The following MAD1L1 variants were observed in gnomAD, a reference collection of about 807,000 sequenced individuals.
MAD1L1 encodes mitotic spindle assembly checkpoint protein MAD1.
In MAD1L1, 95 loss-of-function variants were observed where a neutral mutation model predicts 96.9. The ratio of observed to expected loss-of-function variants is 0.98; its 90% CI spans 0.83 to 1.16. The LOEUF (loss-of-function observed/expected upper bound fraction) is 1.16. MAD1L1 is among the 50% of genes most tolerant of loss of function. The pLI is 0.00. For synonymous variants in MAD1L1, 473 were observed against 396.6 expected (o/e 1.19, Z -2.29); for missense variants, 1,007 against 954.4 (o/e 1.06, Z -0.73).
intron 12 of MAD1L1, among the ~76,000 whole-genome samples, chr7:2,059,827 A>G (rs1413949021): frequency 1.3e-5 from 2 of 152,134 alleles, no homozygotes; most frequent in Non-Finnish European, 2.9e-5. Flanking sequence ...GCAGGACCCA[A>G]TGGTACATCC....
rs761507861 is a variant in MAD1L1, at chr7:2,215,981, G to A, written c.828C>T (p.Asn276=). Reference sequence around the variant, plus strand: ...CTTCCAGCTCTTCCTGGAGCAGCCCGTTGGTCTCTCTCATCTCCCTGGCAG... The same window carrying A: ...CTTCCAGCTCTTCCTGGAGCAGCCCATTGGTCTCTCTCATCTCCCTGGCAG... ...SAHLREMRET[N]GLLQEELEGL... is the part of the protein sequence containing the mutation. Residue 276 remains asparagine (N), a synonymous_variant, in exon 9 of 19, where the codon AAC becomes AAT. Transcript: ENST00000265854. 9.9e-6 allele frequency: 16 copies of A among 1,614,000 alleles called. No homozygotes were observed. The South Asian group carries it at 1.1e-4, about 11-fold the overall frequency.
intron 17 of MAD1L1, among the ~76,000 whole-genome samples, chr7:1,900,065 A>G (rs1583704451): frequency 6.6e-6 from 1 of 152,306 alleles, no homozygotes; most frequent in East Asian, 1.9e-4. Context: ...GCCGGAGGCC[A>G]CCGCCGAGAG....
intron 12 of MAD1L1, among the ~76,000 whole-genome samples, chr7:2,052,416 C>A (rs971117371): frequency 1.3e-5 from 2 of 150,188 alleles, no homozygotes; most frequent in African/African-American, 5.0e-5. Flanking sequence ...GGGCGCCGGA[C>A]AGCTCACTAG....
chr7:2,093,292 A>G (rs73034415), intron 11 of MAD1L1, among the ~76,000 whole-genome samples: 4,058 of 152,030 alleles, frequency 0.027, 97 homozygotes, highest in South Asian at 0.089. Flanking sequence ...TACATAGCCA[A>G]AAAGTTATGT....
chr7:2,001,432 A>C (rs759137658), intron 14 of MAD1L1, among the ~76,000 whole-genome samples: 10 of 152,262 alleles, frequency 6.6e-5, no homozygotes, highest in Non-Finnish European at 1.3e-4. Flanking sequence ...GAAGCTTTTG[A>C]CACTGGAGGT....
At chr7:2,225,701 T>TGGGGAACAGGGGAGGGGC in intron 3 of MAD1L1, 151 bp from the exon 4 acceptor site, 1 of 811,298 alleles carries the variant, frequency 1.2e-6, no homozygotes, top group South Asian at 1.8e-5. Context: ...GGCTCCAGGC[T>TGGGGAACAGGGGAGGGGC]GGGGAACAGG....
intron 12 of MAD1L1, among the ~76,000 whole-genome samples, chr7:2,026,293 T>A (rs1782992283): frequency 6.6e-6 from 1 of 152,062 alleles, no homozygotes; most frequent in Admixed American, 6.5e-5. Context: ...ATGTGCCTAA[T>A]AAAACAGCAT....
At chr7:2,007,272 G>C (rs1005186889) in intron 13 of MAD1L1, among the ~76,000 whole-genome samples, 1 of 152,252 alleles carries the variant, frequency 6.6e-6, no homozygotes, top group Non-Finnish European at 1.5e-5. Flanking sequence ...TACCAAAGCC[G>C]ACAGTGCCAC....
At chr7:2,012,488 C>T (rs1360164964) in intron 13 of MAD1L1, among the ~76,000 whole-genome samples, 3 of 152,228 alleles carry the variant, frequency 2.0e-5, no homozygotes, top group African/African-American at 4.8e-5. Context: ...CAGGTACAGC[C>T]GGAGCTAGCC....
intron 14 of MAD1L1, among the ~76,000 whole-genome samples, chr7:1,986,539 A>G (rs1393415083): frequency 1.3e-5 from 2 of 148,810 alleles, no homozygotes; most frequent in East Asian, 3.9e-4. Flanking sequence ...TCGCGCCGGC[A>G]AGGGGGTTCT....
chr7:1,885,784 C>T (rs1043867405), intron 18 of MAD1L1, among the ~76,000 whole-genome samples: 2 of 152,206 alleles, frequency 1.3e-5, no homozygotes, highest in African/African-American at 2.4e-5. Flanking sequence ...CTCCCTGTCT[C>T]GGCCCTTCCA....
intron 15 of MAD1L1, among the ~76,000 whole-genome samples, chr7:1,973,362 G>A (rs4721264): frequency 0.32 from 48,957 of 152,036 alleles, 8,708 homozygotes; most frequent in East Asian, 0.55. Context: ...CAGACCTGGC[G>A]GACACCATCC....
chr7:2,154,413 G>C (rs923268839), intron 10 of MAD1L1, among the ~76,000 whole-genome samples: 2 of 152,206 alleles, frequency 1.3e-5, no homozygotes, highest in African/African-American at 2.4e-5. Flanking sequence ...TATAAATTCA[G>C]TTGTTCCACA....
At chr7:2,046,037 C>A (rs536272005) in intron 12 of MAD1L1, among the ~76,000 whole-genome samples, 1 of 152,146 alleles carries the variant, frequency 6.6e-6, no homozygotes, top group Admixed American at 6.5e-5. Flanking sequence ...CTGGGGAAGA[C>A]CAGCTGAGTG....
At chr7:2,104,576 G>A (rs1294779666) in intron 11 of MAD1L1, among the ~76,000 whole-genome samples, 2 of 152,220 alleles carry the variant, frequency 1.3e-5, no homozygotes, top group Admixed American at 6.5e-5. Flanking sequence ...GATCTTCCAC[G>A]AAAGCTCCCC....
intron 11 of MAD1L1, among the ~76,000 whole-genome samples, chr7:2,078,176 A>G (rs1173990151): frequency 6.6e-6 from 1 of 152,096 alleles, no homozygotes; most frequent in Non-Finnish European, 1.5e-5. Flanking sequence ...CCGCCTGAGA[A>G]TGGGAATCAA....
intron 12 of MAD1L1, among the ~76,000 whole-genome samples, chr7:2,028,810 C>T (rs946512360): frequency 1.8e-4 from 27 of 151,954 alleles, no homozygotes; most frequent in African/African-American, 5.8e-4. Context: ...GTGGCACAGG[C>T]GGAAGGAGCA....
intron 17 of MAD1L1, among the ~76,000 whole-genome samples, chr7:1,915,847 G>A (rs1788353828): frequency 6.6e-6 from 1 of 152,178 alleles, no homozygotes; most frequent in Admixed American, 6.5e-5. Context: ...TTCAACACTG[G>A]GGTCAGCAGG....
At chr7:1,932,187 G>A (rs1789517550) in intron 17 of MAD1L1, among the ~76,000 whole-genome samples, 1 of 152,080 alleles carries the variant, frequency 6.6e-6, no homozygotes, top group African/African-American at 2.4e-5. Flanking sequence ...CAGAAACTCT[G>A]GCCCGTTCTG....
Sources: allele counts gnomAD v4.1 joint callset (sites outside exome capture counted in the v4.1 genomes callset), GRCh38; gene constraint gnomAD v4.1.1; transcripts MANE v1.5; gene names NCBI Gene and HGNC (gene_info 2026-07-23, HGNC 2026-07-21).